The following ITFG1 variants were observed in gnomAD, a reference collection of about 807,000 sequenced individuals.
The protein encoded by ITFG1 is integrin alpha FG-GAP repeat containing 1.
Under a neutral mutation model 81.8 loss-of-function variants are expected in ITFG1, and 34 were observed. The observed-to-expected ratio is 0.42, with a 90% CI of 0.32 to 0.55. ITFG1 has a LOEUF of 0.55. ITFG1 is among the 20% of genes least tolerant of loss of function. The pLI, the probability that ITFG1 is intolerant of heterozygous loss-of-function variation, is 0.17. For missense variants in ITFG1, 672 were observed against 755.4 expected, an observed-to-expected ratio of 0.89 and a Z score of 1.29; for synonymous variants, 285 against 270.6, an observed-to-expected ratio of 1.05 and a Z score of -0.52.
chr16:47,204,676 T>C (rs927962014), intron 14 of ITFG1, among the ~76,000 whole-genome samples: 2 of 152,240 alleles, frequency 1.3e-5, no homozygotes, highest in African/African-American at 2.4e-5. Flanking sequence ...AGTAGCTGAA[T>C]GCCTGGGTCC....
chr16:47,409,691 A>G (rs1486974178), intron 6 of ITFG1, among the ~76,000 whole-genome samples: 2 of 151,280 alleles, frequency 1.3e-5, no homozygotes, highest in Non-Finnish European at 2.9e-5. Context: ...TTCTGGGATT[A>G]CAGGCGTGAG....
At chr16:47,455,321 G>A (rs1969437534) in intron 2 of ITFG1, among the ~76,000 whole-genome samples, 1 of 150,928 alleles carries the variant, frequency 6.6e-6, no homozygotes, top group Admixed American at 6.6e-5. Context: ...TAAGGAACCT[G>A]AAGAAAACAG....
intron 13 of ITFG1, among the ~76,000 whole-genome samples, chr16:47,223,709 T>C (rs1278110000): frequency 6.6e-6 from 1 of 152,194 alleles, no homozygotes; most frequent in African/African-American, 2.4e-5. Flanking sequence ...GCCGTCCCAT[T>C]ACTGGGTATA....
intron 13 of ITFG1, among the ~76,000 whole-genome samples, chr16:47,226,442 T>C (rs908831741): frequency 9.2e-5 from 14 of 152,304 alleles, no homozygotes; most frequent in African/African-American, 2.4e-4. Flanking sequence ...TACATATGTA[T>C]ACATGTGCCA....
chr16:47,307,107 A>C lies in ITFG1; in HGVS notation c.1070+4133T>G, dbSNP rs1204524440. Among the ~76,000 whole-genome samples, 606 of 147,312 alleles carry C rather than the reference A, an allele frequency of 4.1e-3. 5 individuals carry two copies. Among genetic ancestry groups the C allele is most frequent in the Non-Finnish European group, 7.6e-3 (504 of 66,592 alleles). The stretch of plus-strand genomic sequence containing the variant: ...AAACTCCGTCTCAAAAAAAAAAAAA[A>C]AAAAAAAAAAAAAAAACGGAGAAAG... On this transcript the variant is annotated intron_variant, in intron 10 of 17. Transcript: ENST00000320640.
chr16:47,161,353 A>G (rs1206581947), intron 16 of ITFG1, among the ~76,000 whole-genome samples: 1 of 152,206 alleles, frequency 6.6e-6, no homozygotes, highest in African/African-American at 2.4e-5. Context: ...GCCTACATCT[A>G]TTTAACTCCA....
intron 10 of ITFG1, among the ~76,000 whole-genome samples, chr16:47,285,234 G>T (rs1376984215): frequency 6.6e-6 from 1 of 152,140 alleles, no homozygotes; most frequent in Non-Finnish European, 1.5e-5. Context: ...GAATGCTGAT[G>T]CAATGAAGCT....
chr16:47,317,399 C>G (rs1432808149), intron 8 of ITFG1: 2 of 152,104 alleles, frequency 1.3e-5, no homozygotes, highest in Non-Finnish European at 2.9e-5. Context: ...TAAAAAAGTT[C>G]ACATATATCA....
chr16:47,334,390 T>G (rs1967675843), intron 8 of ITFG1, among the ~76,000 whole-genome samples: 1 of 152,094 alleles, frequency 6.6e-6, no homozygotes. Flanking sequence ...ATCTCACTAC[T>G]GCACTCCAAA....
chr16:47,164,399 T>C (rs1964858925), intron 14 of ITFG1, among the ~76,000 whole-genome samples: 1 of 152,188 alleles, frequency 6.6e-6, no homozygotes, highest in African/African-American at 2.4e-5. Flanking sequence ...TCAAAGTGAT[T>C]TGTGTGTGAA....
chr16:47,295,385 A>G (rs1201520380), intron 10 of ITFG1, among the ~76,000 whole-genome samples: 1 of 152,196 alleles, frequency 6.6e-6, no homozygotes, highest in Non-Finnish European at 1.5e-5. Flanking sequence ...TAGAACTGGT[A>G]CCAGTACTTC....
At chr16:47,259,760 T>C (rs1423005598) in intron 11 of ITFG1, among the ~76,000 whole-genome samples, 2 of 152,136 alleles carry the variant, frequency 1.3e-5, no homozygotes, top group African/African-American at 4.8e-5. Context: ...CATTTCACCT[T>C]AGAAAGGGGA....
intron 14 of ITFG1, among the ~76,000 whole-genome samples, chr16:47,193,914 C>T (rs1445462077): frequency 1.4e-4 from 22 of 152,058 alleles, no homozygotes; most frequent in Non-Finnish European, 1.0e-4. Flanking sequence ...TCTAGAGCAA[C>T]TAAGTGAAAC....
At chr16:47,409,404 A>ATT (rs1187071917) in intron 6 of ITFG1, among the ~76,000 whole-genome samples, 63 of 6,102 alleles carry the variant, frequency 0.01, 12 homozygotes, top group South Asian at 0.02. Context: ...ATATATATAT[A>ATT]TTTTTTTTTT....
At chr16:47,236,854 CCT>C (rs1406131258) in intron 13 of ITFG1, among the ~76,000 whole-genome samples, 1 of 152,198 alleles carries the variant, frequency 6.6e-6, no homozygotes, top group Non-Finnish European at 1.5e-5. Context: ...ACACTTATTC[CCT>C]GAGCTGGCCT....
chr16:47,192,603 C>G (rs1490840205), intron 14 of ITFG1, among the ~76,000 whole-genome samples: 1 of 152,142 alleles, frequency 6.6e-6, no homozygotes, highest in Non-Finnish European at 1.5e-5. Context: ...ACCCACCTGC[C>G]CCTTAGGTGA....
At chr16:47,261,492 C>A (rs1446288655) in intron 10 of ITFG1, among the ~76,000 whole-genome samples, 1 of 152,158 alleles carries the variant, frequency 6.6e-6, no homozygotes, top group East Asian at 1.9e-4. Flanking sequence ...GAATGCAATA[C>A]AATGCCATGT....
chr16:47,195,881 C>A (rs773988202), intron 14 of ITFG1, among the ~76,000 whole-genome samples: 12 of 152,128 alleles, frequency 7.9e-5, no homozygotes, highest in South Asian at 2.1e-4. Context: ...CCTGCACCCC[C>A]CAACAGGCCC....
chr16:47,390,613 C>T (rs959646086), intron 6 of ITFG1, among the ~76,000 whole-genome samples: 2 of 152,142 alleles, frequency 1.3e-5, no homozygotes, highest in Admixed American at 6.5e-5. Flanking sequence ...GCACCCGCCA[C>T]CACGCCCGGC....
Sources: gnomAD v4.1 joint callset for allele counts (sites outside exome capture counted in the v4.1 genomes callset) on GRCh38, gnomAD v4.1.1 for gene constraint, MANE v1.5 for transcripts, NCBI Gene and HGNC (gene_info 2026-07-23, HGNC 2026-07-21) for gene names.